Variants in EPHA2 observed in about 807,000 individuals in gnomAD.
The protein encoded by EPHA2 is ephrin type-A receptor 2.
Under a neutral mutation model 104.9 loss-of-function variants are expected in EPHA2, and 54 were observed. The observed-to-expected ratio is 0.51, with a 90% CI of 0.41 to 0.65. The LOEUF is 0.65. EPHA2 is among the 30% of genes least tolerant of loss of function. The pLI is 0.00. For missense variants in EPHA2, 1,117 were observed against 1,369.5 expected, an observed-to-expected ratio of 0.82 and a Z score of 2.91; for synonymous variants, 560 against 559.1, an observed-to-expected ratio of 1.00 and a Z score of -0.02.
rs1557508486 is a variant in EPHA2, at chr1:16,138,016, C to T, written c.1149G>A (p.Val383=). 1 of 1,613,840 alleles carries T rather than the reference C, an allele frequency of 6.2e-7. No homozygotes were observed. The highest frequency in any genetic ancestry group is 1.3e-5 in the African/African-American group (1 of 75,070). ...SGECGPCEAS[V]RYSEPPHGLT... ...GTCCGTGAGGAGGCTCCGAGTAGCG[C>T]ACACTGGCCTCACACGGCCCGCATT... The change falls in exon 5 of 17, where the codon GTG becomes GTA. Residue 383 remains valine (V), a synonymous_variant. Coordinates refer to ENST00000358432, the MANE Select transcript of EPHA2 (RefSeq NM_004431.5).
Position 16,156,027 on chromosome 1 carries a change from G to T in EPHA2, c.-95C>A, listed in dbSNP as rs1249476057. The stretch of plus-strand genomic sequence containing the variant: ...GCCTCGGTGTCCGCTCCCGCCCGCC[G>T]GCCTGCGCGCAACTTCTGCCCCTCC... On this transcript the variant is annotated 5_prime_UTR_variant, in exon 1 of 17. Coordinates refer to ENST00000358432, the MANE Select transcript of EPHA2 (RefSeq NM_004431.5). 8.9e-7 allele frequency: 1 copy of T among 1,123,976 alleles called. No individual in the cohort carries two copies. Among genetic ancestry groups the T allele is most frequent in the Non-Finnish European group, 1.2e-6 (1 of 842,512 alleles). The allele number at this position is 1,123,976 out of a possible 1,614,324, so 69.6% of individuals were successfully genotyped here. A position where few individuals can be genotyped will look rare whatever the true frequency, so the allele number is the denominator to read the frequency against.
At chr1:16,129,676 G>C in intron 15 of EPHA2, 87 bp from the exon 16 acceptor site, 1 of 1,487,678 alleles carries the variant, frequency 6.7e-7, no homozygotes, top group South Asian at 1.3e-5. Context: ...CTGGATGATT[G>C]ACTCGGCTGC....
intron 1 of EPHA2, chr1:16,153,020 G>A: frequency 1.6e-6 from 1 of 638,690 alleles, no homozygotes; most frequent in Non-Finnish European, 1.9e-6. Context: ...TCTGGAAAGG[G>A]TGGGAGCCTG....
chr1:16,154,810 C>T (rs1471025686), intron 1 of EPHA2, among the ~76,000 whole-genome samples: 1 of 151,668 alleles, frequency 6.6e-6, no homozygotes, highest in East Asian at 1.9e-4. Context: ...CCCAAGTTTC[C>T]TCCCGGCTTC....
rs2124214241 is a variant in EPHA2, at chr1:16,135,203, G to A, written c.1429-14C>T. On this transcript the variant is annotated splice_polypyrimidine_tract_variant and intron_variant, in intron 6 of 16. Coordinates refer to ENST00000358432, the MANE Select transcript of EPHA2 (RefSeq NM_004431.5). This position sits in a 1 kb window ranked among gnomAD's most constrained non-coding sequence, Gnocchi z 4.3. ...GTTGGAGTCTCCCTGTGGGTGGGTG[G>A]CCGGCGGAGGAGCAGGCAGTGAGGG... 6.2e-7 allele frequency: 1 copy of A among 1,613,238 alleles called. No individual in the cohort carries two copies. The highest frequency in any genetic ancestry group is 1.3e-5 in the African/African-American group (1 of 75,028).
chr1:16,134,018 G>A lies in EPHA2; in HGVS notation c.1683-103C>T. ...CTTTGGTCCTAGGAGGACCTGGGGT[G>A]CTCAGAATGCGGCCCAGTCCCCGCT... On this transcript the variant is annotated intron_variant, in intron 8 of 16. Coordinates refer to ENST00000358432, the MANE Select transcript of EPHA2 (RefSeq NM_004431.5). This position sits in a 1 kb window ranked among gnomAD's most constrained non-coding sequence, Gnocchi z 4.5. 14 of 1,192,334 alleles carry A rather than the reference G, an allele frequency of 1.2e-5. No homozygotes were observed. Among genetic ancestry groups the A allele is most frequent in the Non-Finnish European group, 5.8e-6 (5 of 855,848 alleles). The allele number at this position is 1,192,334 out of a possible 1,614,324, so 73.9% of individuals were successfully genotyped here. A position where few individuals can be genotyped will look rare whatever the true frequency, so the allele number is the denominator to read the frequency against.
Position 16,148,768 on chromosome 1 carries a change from T to G in EPHA2, c.433A>C (p.Ile145Leu). ...CTGACGGTGATCTCATCGGGCGCAATGGTGTCAATCTTGGTGAACAGGCGC... is the reference window on the plus strand; with the variant it reads ...CTGACGGTGATCTCATCGGGCGCAAGGGTGTCAATCTTGGTGAACAGGCGC... ...QKRLFTKIDT[I>L]APDEITVSSD... Residue 145 changes from isoleucine to leucine, a missense_variant, in exon 3 of 17, where the codon ATT (isoleucine) becomes CTT (leucine). Transcript: ENST00000358432. The surrounding 1 kb of genome is among the most constrained non-coding windows in gnomAD (Gnocchi z 4.9). The G allele has an allele frequency of 6.2e-7, 1 of 1,614,024 alleles. No individual in the cohort carries two copies.
rs370580670 is a variant in EPHA2 at position 16,131,296 on chromosome 1, G to A, written c.2475+425C>T. ...CAGTAGATCCTCAAGAAATATTTAC[G>A]GGGCTGGGTGCGGTGGCTTACCCCT... On this transcript the variant is annotated intron_variant, in intron 14 of 16. Coordinates refer to ENST00000358432, the MANE Select transcript of EPHA2 (RefSeq NM_004431.5). The surrounding 1 kb of genome is among the most constrained non-coding windows in gnomAD (Gnocchi z 5.2). Among the ~76,000 whole-genome samples the A allele has an allele frequency of 1.3e-4, 20 of 152,058 alleles. No homozygotes were observed. The highest frequency in any genetic ancestry group is 3.3e-4 in the Admixed American group (5 of 15,246).
At chr1:16,137,570 C>G (rs537613488) in intron 5 of EPHA2, among the ~76,000 whole-genome samples, 1 of 152,186 alleles carries the variant, frequency 6.6e-6, no homozygotes. Context: ...TGCACTCCAG[C>G]CTGGGCAACA....
In EPHA2 at chr1:16,148,388, A is replaced by G. The variant is rs749113741; in HGVS notation, c.813T>C (p.Asp271=). 4.3e-6 allele frequency: 7 copies of G among 1,613,634 alleles called. No individual in the cohort carries two copies. In the South Asian group the frequency reaches 6.6e-5, roughly 15 times the overall value. Residue 271 remains aspartate (D), a synonymous_variant, in exon 3 of 17, where the codon GAT becomes GAC. Transcript: ENST00000358432. This position sits in a 1 kb window ranked among gnomAD's most constrained non-coding sequence, Gnocchi z 4.9. ...LCQAGYEKVE[D]ACQACSPGFF... is the part of the protein sequence containing the mutation. ...AGAACCGTCACTCACCCTGGCAGGC[A>G]TCCTCCACCTTCTCGTAGCCTGCCT...
At position 16,138,315 on chromosome 1, in the gene EPHA2, G is replaced by T; in HGVS notation, c.939C>A (p.Phe313Leu). 6.2e-7 allele frequency: 1 copy of T among 1,613,712 alleles called. No individual in the cohort carries two copies. Among genetic ancestry groups the T allele is most frequent in the Middle Eastern group, 1.6e-4 (1 of 6,062 alleles). ...GATSCECEEGFFRAPQDPASM... is the reference protein window; with the variant it reads ...GATSCECEEGLFRAPQDPASM... Reference sequence around the variant, plus strand: ...ACGCTGGGTCCTGAGGTGCCCGGAAGAAGCCTTCCTCACACTCGCAGGAGG... The same window carrying T: ...ACGCTGGGTCCTGAGGTGCCCGGAATAAGCCTTCCTCACACTCGCAGGAGG... Residue 313 changes from phenylalanine to leucine, a missense_variant, in exon 4 of 17, where the codon TTC becomes TTA. Coordinates refer to ENST00000358432, the MANE Select transcript of EPHA2 (RefSeq NM_004431.5).
chr1:16,154,301 GAAGTCCC>G (rs2025105344), intron 1 of EPHA2, among the ~76,000 whole-genome samples: 1 of 152,138 alleles, frequency 6.6e-6, no homozygotes, highest in African/African-American at 2.4e-5. Context: ...CCTGCAACCA[GAAGTCCC>G]GGTTGAGACC....
Position 16,135,766 on chromosome 1 carries a change from G to GC in EPHA2, c.1316_1317insG (p.Lys441GlnfsTer13). 6.2e-7 allele frequency: 1 copy of GC among 1,610,768 alleles called. No homozygotes were observed. Among genetic ancestry groups the GC allele is most frequent in the Non-Finnish European group, 8.5e-7 (1 of 1,178,202 alleles). ...TGCGGCCCTCCAGCCTCACCTTGGGGGGCTCTGGGCAGGACAGGCAGTGGG... is the reference window on the plus strand; with the variant it reads ...TGCGGCCCTCCAGCCTCACCTTGGGGCGGCTCTGGGCAGGACAGGCAGTGGG... On this transcript the variant is annotated frameshift_variant, in exon 6 of 17. Transcript: ENST00000358432. LOFTEE classifies it high-confidence loss of function. This position sits in a 1 kb window ranked among gnomAD's most constrained non-coding sequence, Gnocchi z 4.3.
intron 1 of EPHA2, among the ~76,000 whole-genome samples, chr1:16,154,861 G>A (rs2025120862): frequency 6.6e-6 from 1 of 152,020 alleles, no homozygotes; most frequent in Admixed American, 6.5e-5. Flanking sequence ...TGCCCAGGCA[G>A]GAGGGGAAGC....
intron 11 of EPHA2, 23 bp downstream of exon 11, chr1:16,133,157 T>G: frequency 6.2e-7 from 1 of 1,612,296 alleles, no homozygotes; most frequent in Non-Finnish European, 8.5e-7. Flanking sequence ...CTCCACCCAG[T>G]GTGGGCAGGC....
At chr1:16,142,079 C>CCCA (rs1214443399) in intron 3 of EPHA2, among the ~76,000 whole-genome samples, 1 of 152,152 alleles carries the variant, frequency 6.6e-6, no homozygotes, top group Non-Finnish European at 1.5e-5. Context: ...CTCAAACACA[C>CCCA]CCACATACAC....
In EPHA2 at chr1:16,125,191, T is replaced by C; in HGVS notation, c.*24A>G. Reference sequence around the variant, plus strand: ...TGTTTCTTCAAGTATTCTTGGCCGATGGGGCTCCAGGCCCTGTCGAGGCTC... The same window carrying C: ...TGTTTCTTCAAGTATTCTTGGCCGACGGGGCTCCAGGCCCTGTCGAGGCTC... On this transcript the variant is annotated 3_prime_UTR_variant, in exon 17 of 17. Coordinates refer to ENST00000358432, the MANE Select transcript of EPHA2 (RefSeq NM_004431.5). This position sits in a 1 kb window ranked among gnomAD's most constrained non-coding sequence, Gnocchi z 4.9. 1.2e-6 allele frequency: 2 copies of C among 1,607,784 alleles called. No homozygotes were observed. The highest frequency in any genetic ancestry group is 1.3e-5 in the African/African-American group (1 of 74,922).
At position 16,135,552 on chromosome 1, in the gene EPHA2, G is replaced by A. The variant is rs1455196585; in HGVS notation, c.1428+103C>T. 2 of 1,120,740 alleles carry A rather than the reference G, an allele frequency of 1.8e-6. No homozygotes were observed. Among genetic ancestry groups the A allele is most frequent in the South Asian group, 1.3e-5 (1 of 79,916 alleles). 69.4% of individuals were successfully genotyped at this position (1,120,740 alleles called of 1,614,324 possible). A position where few individuals can be genotyped will look rare whatever the true frequency, so the allele number is the denominator to read the frequency against. ...GCCTCAGTTTCCCCATCTGCAGAAG[G>A]GTGCTTCTTCAGATGGCTGGGTGGT... On this transcript the variant is annotated intron_variant, in intron 6 of 16. Coordinates refer to ENST00000358432, the MANE Select transcript of EPHA2 (RefSeq NM_004431.5). The surrounding 1 kb of genome is among the most constrained non-coding windows in gnomAD (Gnocchi z 4.3).
At chr1:16,146,862 A>G (rs903218247) in intron 3 of EPHA2, among the ~76,000 whole-genome samples, 1 of 152,166 alleles carries the variant, frequency 6.6e-6, no homozygotes, top group African/African-American at 2.4e-5. Context: ...AACAAGCATA[A>G]AGTCTGCTGG....
Sources: gnomAD v4.1 joint callset for allele counts (sites outside exome capture counted in the v4.1 genomes callset) on GRCh38, gnomAD v4.1.1 for gene constraint, Gnocchi (gnomAD v3.1) non-coding constraint, MANE v1.5 for transcripts, NCBI Gene and HGNC (gene_info 2026-07-23, HGNC 2026-07-21) for gene names.